Variants in ATP2B2 observed in about 807,000 individuals in gnomAD.
ATP2B2 encodes the protein plasma membrane calcium-transporting ATPase 2.
Under a neutral mutation model 120.0 loss-of-function variants are expected in ATP2B2, and 15 were observed. The observed-to-expected ratio is 0.12, with a 90% CI of 0.08 to 0.19. The LOEUF (loss-of-function observed/expected upper bound fraction) is 0.19. Among genes scored for constraint, ATP2B2 ranks in the 10% least tolerant of loss-of-function variants. The pLI is 1.00. For missense variants in ATP2B2, 1,045 were observed against 1,719.8 expected (o/e 0.61, Z 6.94); for synonymous variants, 694 against 700.3 (o/e 0.99, Z 0.14).
Position 10,618,801 on chromosome 3 carries a change from TAGAAAACAC to T in ATP2B2, c.-415+1107_-415+1115del, listed in dbSNP as rs368316878. 7.0e-4 allele frequency among the ~76,000 whole-genome samples: 107 copies of T among 152,222 alleles called. 1 individual carries two copies. The highest frequency in any genetic ancestry group is 6.8e-3 in the Middle Eastern group (2 of 294). ...AAACATGTGCTTATTACATAAAACT[TAGAAAACAC>T]AGAAAACCCAAATTGCCCATAATCT... On this transcript the variant is annotated intron_variant, in intron 2 of 21. Coordinates refer to the ATP2B2 transcript ENST00000646379.
At chr3:10,705,060 A>G (rs1409074946) in intron 1 of ATP2B2, among the ~76,000 whole-genome samples, 1 of 152,212 alleles carries the variant, frequency 6.6e-6, no homozygotes, top group African/African-American at 2.4e-5. Context: ...TTCTGCAGTG[A>G]TTCCATATAA....
intron 2 of ATP2B2, among the ~76,000 whole-genome samples, chr3:10,594,012 A>G (rs1054912135): frequency 3.3e-5 from 5 of 152,234 alleles, no homozygotes; most frequent in African/African-American, 1.2e-4. Flanking sequence ...CAAAACCACA[A>G]TGAGATACCA....
intron 1 of ATP2B2, among the ~76,000 whole-genome samples, chr3:10,624,301 C>A (rs995222795): frequency 6.6e-6 from 1 of 152,188 alleles, no homozygotes; most frequent in South Asian, 2.1e-4. Context: ...AATTTCACCC[C>A]CTCAGTAACT....
At chr3:10,514,623 C>T (rs1009384520) in intron 3 of ATP2B2, among the ~76,000 whole-genome samples, 1 of 152,216 alleles carries the variant, frequency 6.6e-6, no homozygotes, top group African/African-American at 2.4e-5. Flanking sequence ...ACACTGCAGC[C>T]AGGCCAGGGC....
At chr3:10,369,925 C>T (rs183222351) in intron 12 of ATP2B2, among the ~76,000 whole-genome samples, 52 of 152,222 alleles carry the variant, frequency 3.4e-4, no homozygotes, top group Non-Finnish European at 6.5e-4. Flanking sequence ...CAAGAAAGAC[C>T]CAGAAAGACA....
chr3:10,412,030 C>G (rs1026685956), intron 2 of ATP2B2, among the ~76,000 whole-genome samples: 4 of 152,272 alleles, frequency 2.6e-5, no homozygotes, highest in African/African-American at 9.6e-5. Flanking sequence ...GTTTCCCAGC[C>G]TGGCACCCTG....
intron 1 of ATP2B2, among the ~76,000 whole-genome samples, chr3:10,487,227 C>T (rs902877735): frequency 2.0e-5 from 3 of 152,116 alleles, no homozygotes; most frequent in Admixed American, 2.0e-4. Flanking sequence ...CCTCTCCCCA[C>T]AAGCATGTGT....
intron 2 of ATP2B2, among the ~76,000 whole-genome samples, chr3:10,411,084 C>G (rs187157561): frequency 1.8e-3 from 280 of 152,250 alleles, no homozygotes; most frequent in African/African-American, 5.9e-3. Flanking sequence ...GGAAAATAGT[C>G]CTGTTGTTGT....
At position 10,327,019 on chromosome 3, in the gene ATP2B2, A is replaced by G; in HGVS notation, c.*1795T>C. 2.5e-6 allele frequency: 1 copy of G among 397,630 alleles called. No homozygotes were observed. Among genetic ancestry groups the G allele is most frequent in the South Asian group, 1.4e-4 (1 of 7,014 alleles). The allele number at this position is 397,630 out of a possible 1,614,324, so 24.6% of individuals were successfully genotyped here. A position where few individuals can be genotyped will look rare whatever the true frequency, so the allele number is the denominator to read the frequency against. On this transcript the variant is annotated 3_prime_UTR_variant, in exon 23 of 23. Coordinates refer to ENST00000360273, the MANE Select transcript of ATP2B2 (RefSeq NM_001001331.4). ...TTCCTCGAAGCATGGGACATCATCG[A>G]TCATGGTATTCAAAATGTCTTTTGC...
At chr3:10,453,227 T>C (rs2064127834) in intron 1 of ATP2B2, among the ~76,000 whole-genome samples, 1 of 152,240 alleles carries the variant, frequency 6.6e-6, no homozygotes, top group South Asian at 2.1e-4. Flanking sequence ...TTGATTTCAT[T>C]ATCTTACAAA....
At chr3:10,474,317 T>C (rs1446678563) in intron 1 of ATP2B2, among the ~76,000 whole-genome samples, 1 of 152,028 alleles carries the variant, frequency 6.6e-6, no homozygotes, top group Non-Finnish European at 1.5e-5. Flanking sequence ...TTGTGAGACG[T>C]CCAAGTAGAG....
chr3:10,615,427 T>G (rs1287036685), intron 2 of ATP2B2, among the ~76,000 whole-genome samples: 1 of 152,108 alleles, frequency 6.6e-6, no homozygotes, highest in Non-Finnish European at 1.5e-5. Context: ...ACTCCAAGTT[T>G]TGGATTTAGG....
chr3:10,344,596 C>T, intron 18 of ATP2B2, among the ~76,000 whole-genome samples: 1 of 152,212 alleles, frequency 6.6e-6, no homozygotes, highest in East Asian at 1.9e-4. Flanking sequence ...TTGGGGATCC[C>T]CTGGGGCTAA....
intron 1 of ATP2B2, chr3:10,626,282 G>A (rs910104601): frequency 9.9e-5 from 15 of 152,206 alleles, no homozygotes; most frequent in African/African-American, 1.9e-4. Context: ...TGGGGACTCC[G>A]GCCTTTTTCC....
chr3:10,439,447 C>A (rs1475501419), intron 2 of ATP2B2, among the ~76,000 whole-genome samples: 1 of 152,116 alleles, frequency 6.6e-6, no homozygotes. Flanking sequence ...CCCTTGGGGC[C>A]CCCGCAAAGA....
chr3:10,349,555 T>C (rs60295783), intron 16 of ATP2B2, among the ~76,000 whole-genome samples: 2,395 of 152,166 alleles, frequency 0.016, 50 homozygotes, highest in African/African-American at 0.046. Flanking sequence ...AGCAAGACTT[T>C]GGCTTTTGGT....
At position 10,544,251 on chromosome 3, in the gene ATP2B2, A is replaced by G. The variant is rs56271852; in HGVS notation, c.-414-10118T>C. 2.6e-3 allele frequency among the ~76,000 whole-genome samples: 396 copies of G among 152,278 alleles called. 4 individuals are homozygous for G. Among genetic ancestry groups the G allele is most frequent in the Non-Finnish European group, 4.1e-3 (281 of 68,008 alleles). Reference sequence around the variant, plus strand: ...TTAAAGGGAAAATTTCATCATTACCATCGGTGCAAAACCAGTGCCACTCAC... The same window carrying G: ...TTAAAGGGAAAATTTCATCATTACCGTCGGTGCAAAACCAGTGCCACTCAC... On this transcript the variant is annotated intron_variant, in intron 2 of 21. Coordinates refer to the ATP2B2 transcript ENST00000646379.
rs182081872 is a variant in ATP2B2, at chr3:10,661,356, C to G, written c.-459-41395G>C. Among the ~76,000 whole-genome samples, 28 of 152,318 alleles carry G rather than the reference C, an allele frequency of 1.8e-4. No individual in the cohort carries two copies. The East Asian group carries it at 5.0e-3, about 27-fold the overall frequency. The stretch of plus-strand genomic sequence containing the variant: ...CTGTATATCTAGAAAACCCCATCAT[C>G]TCAGCCCAAAATCTCCTTAAGCTGA... On this transcript the variant is annotated intron_variant, in intron 1 of 21. Coordinates refer to the ATP2B2 transcript ENST00000646379.
At chr3:10,464,049 C>T (rs754022321) in intron 1 of ATP2B2, among the ~76,000 whole-genome samples, 9 of 152,182 alleles carry the variant, frequency 5.9e-5, no homozygotes, top group Non-Finnish European at 8.8e-5. Context: ...ATGCCCTGTG[C>T]GCATGCTGAT....
Sources: gnomAD v4.1 joint callset for allele counts (sites outside exome capture counted in the v4.1 genomes callset) on GRCh38, gnomAD v4.1.1 for gene constraint, MANE v1.5 for transcripts, NCBI Gene and HGNC (gene_info 2026-07-23, HGNC 2026-07-21) for gene names.